Variants in ABAT observed in about 807,000 individuals in gnomAD.
ABAT encodes the protein 4-aminobutyrate aminotransferase, also known as 4-aminobutyrate aminotransferase, mitochondrial.
A neutral mutation model predicts 64.6 loss-of-function variants in ABAT; 45 were observed. The ratio of observed to expected loss-of-function variants is 0.70; its 90% CI spans 0.55 to 0.89. ABAT has a LOEUF of 0.89. Ranked by LOEUF, ABAT falls within the 40% of genes least tolerant of loss-of-function variation. The pLI, the probability that ABAT is intolerant of heterozygous loss-of-function variation, is 0.00. For synonymous variants in ABAT, 297 were observed against 250.5 expected, an observed-to-expected ratio of 1.19 and a Z score of -1.75; for missense variants, 633 against 658.4, an observed-to-expected ratio of 0.96 and a Z score of 0.42.
intron 1 of ABAT, among the ~76,000 whole-genome samples, chr16:8,679,655 T>A (rs1343652671): frequency 2.0e-5 from 3 of 151,938 alleles, no homozygotes; most frequent in Non-Finnish European, 4.4e-5. Flanking sequence ...ACACGAGCCC[T>A]GGTCTCTCCT....
rs965626282 is a variant in ABAT at position 8,680,495 on chromosome 16, G to A, written c.-42+5784G>A. Among the ~76,000 whole-genome samples, 5 of 151,156 alleles carry A rather than the reference G, an allele frequency of 3.3e-5. No individual in the cohort carries two copies. In the South Asian group the frequency reaches 6.3e-4, roughly 19 times the overall value. On this transcript the variant is annotated intron_variant, in intron 1 of 15. Transcript: ENST00000268251. Reference sequence around the variant, plus strand: ...GGCTGGAGTGCAGTGGTGTGATCTCGGCTTACTGCAACCTCTGCCTCCTGG... The same window carrying A: ...GGCTGGAGTGCAGTGGTGTGATCTCAGCTTACTGCAACCTCTGCCTCCTGG...
At chr16:8,735,658 G>C in intron 1 of ABAT, 41 bp from the exon 2 acceptor site, 1 of 1,490,360 alleles carries the variant, frequency 6.7e-7, no homozygotes, top group Non-Finnish European at 9.1e-7. Flanking sequence ...AGAGGGGAGT[G>C]GTCTTCATGG....
rs2059323295 is a variant in ABAT at position 8,746,178 on chromosome 16, G to C, written c.168+80G>C. ...GAAGCAAAAGCACAGCCAAGCTTAG[G>C]GACCTGTATTGATTGTCAGCTGCTT... is the stretch of plus-strand genomic sequence containing the variant. On this transcript the variant is annotated intron_variant, in intron 3 of 15. Transcript: ENST00000268251. The C allele has an allele frequency of 2.9e-6, 3 of 1,028,222 alleles. No homozygotes were observed. The African/African-American group carries it at 4.7e-5, about 16-fold the overall frequency. 63.7% of individuals were successfully genotyped at this position (1,028,222 alleles called of 1,614,324 possible). A position where few individuals can be genotyped will look rare whatever the true frequency, so the allele number is the denominator to read the frequency against.
At chr16:8,717,488 G>C (rs1242871378) in intron 1 of ABAT, among the ~76,000 whole-genome samples, 1 of 152,106 alleles carries the variant, frequency 6.6e-6, no homozygotes, top group Non-Finnish European at 1.5e-5. Flanking sequence ...TACTGTCTTA[G>C]AGCATACTAC....
intron 2 of ABAT, among the ~76,000 whole-genome samples, chr16:8,745,503 C>A (rs984156831): frequency 1.3e-5 from 2 of 151,994 alleles, no homozygotes; most frequent in Non-Finnish European, 2.9e-5. Flanking sequence ...TTGAGGCCAG[C>A]CTGGGCAACA....
chr16:8,682,367 C>T (rs148965732), intron 1 of ABAT, among the ~76,000 whole-genome samples: 1 of 152,252 alleles, frequency 6.6e-6, no homozygotes, highest in East Asian at 1.9e-4. Flanking sequence ...ATAAATGAAT[C>T]CAATTTACAA....
rs568620787 is a variant in ABAT at position 8,732,188 on chromosome 16, T to G, written c.-41-3511T>G. 3.7e-3 allele frequency among the ~76,000 whole-genome samples: 22 copies of G among 5,876 alleles called. 1 individual carries two copies. The highest frequency in any genetic ancestry group is 0.1 in the South Asian group (1 of 10). 3.9% of individuals were successfully genotyped at this position (5,876 alleles called of 152,430 possible). A position where few individuals can be genotyped will look rare whatever the true frequency, so the allele number is the denominator to read the frequency against. ...TTTCTAGGAGGTTGACTACTTTAGG[T>G]TTTTTTTGTTTTTTTTTTTTGTTTG... On this transcript the variant is annotated intron_variant, in intron 1 of 15. Coordinates refer to ENST00000268251, the MANE Select transcript of ABAT (RefSeq NM_020686.6).
Position 8,784,017 on chromosome 16 carries a change from A to G in ABAT, c.*2587A>G, listed in dbSNP as rs2060493946. 6.6e-6 allele frequency: 1 copy of G among 152,238 alleles called. No homozygotes were observed. The highest frequency in any genetic ancestry group is 1.5e-5 in the Non-Finnish European group (1 of 68,036). 9.4% of individuals were successfully genotyped at this position (152,238 alleles called of 1,614,324 possible). A position where few individuals can be genotyped will look rare whatever the true frequency, so the allele number is the denominator to read the frequency against. ...TTTAGCTAGAAGAATTTCAAGGAAA[A>G]GAATTCTCAGCAGAGCTCAAGATTG... On this transcript the variant is annotated 3_prime_UTR_variant, in exon 16 of 16. Coordinates refer to ENST00000268251, the MANE Select transcript of ABAT (RefSeq NM_020686.6).
chr16:8,675,240 C>A (rs2057170082), intron 1 of ABAT, among the ~76,000 whole-genome samples: 2 of 152,080 alleles, frequency 1.3e-5, no homozygotes, highest in African/African-American at 4.8e-5. Context: ...AGATACTGGG[C>A]TCTGGAGAGA....
intron 1 of ABAT, among the ~76,000 whole-genome samples, chr16:8,733,339 C>T (rs996291782): frequency 6.6e-6 from 1 of 151,206 alleles, no homozygotes. Context: ...ACGCTCCTCA[C>T]TTTCCAGACT....
rs753961914 is a variant in ABAT, at chr16:8,769,008, C to G, written c.816+35C>G. On this transcript the variant is annotated intron_variant, in intron 11 of 15. Coordinates refer to ENST00000268251, the MANE Select transcript of ABAT (RefSeq NM_020686.6). ...ATACCCTGCGGATCCTCCCCAACCACCAGTCCTGTTGCTCTTGCCGCCCCA... is the reference window on the plus strand; with the variant it reads ...ATACCCTGCGGATCCTCCCCAACCAGCAGTCCTGTTGCTCTTGCCGCCCCA... 31 of 1,613,440 alleles carry G rather than the reference C, an allele frequency of 1.9e-5. No homozygotes were observed. The South Asian group carries it at 3.4e-4, about 18-fold the overall frequency.
At chr16:8,750,573 C>T in intron 5 of ABAT, 34 bp downstream of exon 5, 1 of 1,586,738 alleles carries the variant, frequency 6.3e-7, no homozygotes, top group Non-Finnish European at 8.7e-7. Flanking sequence ...TGGATATAAC[C>T]TCTGTTTCTG....
intron 12 of ABAT, among the ~76,000 whole-genome samples, chr16:8,774,541 G>T (rs997874769): frequency 2.0e-5 from 3 of 152,078 alleles, no homozygotes; most frequent in Non-Finnish European, 4.4e-5. Context: ...CACATTCGAG[G>T]CCTCACTGTT....
chr16:8,750,394 G>C (rs951477203), intron 4 of ABAT, 28 bp from the exon 5 acceptor site: 3 of 1,584,322 alleles, frequency 1.9e-6, no homozygotes, highest in East Asian at 2.2e-5. Context: ...GTGGCAGTGA[G>C]CCTGAGTTGG....
intron 1 of ABAT, among the ~76,000 whole-genome samples, chr16:8,732,209 G>GT (rs2058744926): frequency 3.0e-4 from 1 of 3,354 alleles, no homozygotes; most frequent in Non-Finnish European, 6.2e-4. Flanking sequence ...TTTTTTTTTT[G>GT]TTTGTTTGTT....
At chr16:8,733,428 G>T (rs1411404466) in intron 1 of ABAT, among the ~76,000 whole-genome samples, 1 of 151,644 alleles carries the variant, frequency 6.6e-6, no homozygotes, top group Non-Finnish European at 1.5e-5. Context: ...CCCAGACGGG[G>T]TGGCGGCCGG....
intron 1 of ABAT, among the ~76,000 whole-genome samples, chr16:8,712,482 A>G (rs1437400821): frequency 1.3e-5 from 2 of 152,180 alleles, no homozygotes; most frequent in Admixed American, 1.3e-4. Flanking sequence ...ATAAAAAATC[A>G]TGGGAAATGG....
intron 1 of ABAT, among the ~76,000 whole-genome samples, chr16:8,675,883 C>G (rs1018741425): frequency 9.2e-5 from 14 of 152,158 alleles, no homozygotes; most frequent in Non-Finnish European, 1.2e-4. Context: ...AAAGTGTGCA[C>G]CCCCGCAAGC....
At chr16:8,723,809 T>TATATATATATATATATATATATATA (rs2058445970) in intron 1 of ABAT, among the ~76,000 whole-genome samples, 5 of 44,806 alleles carry the variant, frequency 1.1e-4, no homozygotes, top group African/African-American at 4.1e-4. Flanking sequence ...TCCAAGCTTT[T>TATATATATATATATATATATATATA]TATATATATA....
Sources: gnomAD v4.1 joint callset for allele counts (sites outside exome capture counted in the v4.1 genomes callset) on GRCh38, gnomAD v4.1.1 for gene constraint, MANE v1.5 for transcripts, NCBI Gene and HGNC (gene_info 2026-07-23, HGNC 2026-07-21) for gene names.